The following WRN variants were observed in gnomAD, a reference collection of about 807,000 sequenced individuals.
WRN encodes the protein WRN RecQ like helicase.
WRN carries 149 observed loss-of-function variants against 180.7 expected under a neutral mutation model. The observed-to-expected ratio is 0.82, with a 90% CI of 0.72 to 0.94. The LOEUF (loss-of-function observed/expected upper bound fraction) is 0.94. WRN is among the 40% of genes least tolerant of loss of function. The probability of loss-of-function intolerance (pLI) is 0.00; values close to 1 mark genes in which losing one functional copy is unlikely to be tolerated. For synonymous variants in WRN, 548 were observed against 568.9 expected, an observed-to-expected ratio of 0.96 and a Z score of 0.52; for missense variants, 1,661 against 1,700.1, an observed-to-expected ratio of 0.98 and a Z score of 0.40.
intron 1 of WRN, among the ~76,000 whole-genome samples, chr8:31,053,051 A>G (rs1812136335): frequency 6.6e-6 from 1 of 152,090 alleles, no homozygotes. Context: ...AGATTATTTA[A>G]TCAAAAAGGC....
intron 23 of WRN, among the ~76,000 whole-genome samples, chr8:31,130,956 A>G (rs979021388): frequency 5.3e-5 from 8 of 152,084 alleles, no homozygotes; most frequent in South Asian, 2.1e-4. Context: ...CACAGAACCA[A>G]TGCTTCTTTT....
chr8:31,036,359 T>C (rs752099311), intron 1 of WRN, among the ~76,000 whole-genome samples: 6 of 152,256 alleles, frequency 3.9e-5, no homozygotes, highest in Admixed American at 6.5e-5. Context: ...CATACTGATT[T>C]CATTTCCCTT....
intron 1 of WRN, among the ~76,000 whole-genome samples, chr8:31,044,651 G>A (rs1320211865): frequency 1.3e-5 from 2 of 152,088 alleles, no homozygotes; most frequent in African/African-American, 4.8e-5. Context: ...CACTGTGCCC[G>A]GCCAATTTCA....
intron 33 of WRN, among the ~76,000 whole-genome samples, chr8:31,162,316 A>G (rs181736526): frequency 2.6e-5 from 4 of 152,132 alleles, no homozygotes; most frequent in Non-Finnish European, 5.9e-5. Context: ...TTTTGTTAAA[A>G]ACCAAGACAA....
chr8:31,070,969 C>T lies in WRN; in HGVS notation c.724+2642C>T, dbSNP rs143861320. ...GCTGAGGCAGGAGAATCGCTTTAATCTGGGAGGTGGAGGTTGTAGTGAGCT... is the reference window on the plus strand; with the variant it reads ...GCTGAGGCAGGAGAATCGCTTTAATTTGGGAGGTGGAGGTTGTAGTGAGCT... On this transcript the variant is annotated intron_variant, in intron 7 of 34. Transcript: ENST00000298139. 8.5e-4 allele frequency among the ~76,000 whole-genome samples: 128 copies of T among 150,236 alleles called. 1 individual carries two copies. The highest frequency in any genetic ancestry group is 3.5e-3 in the East Asian group (18 of 5,084).
chr8:31,045,945 A>G (rs1585388458), intron 1 of WRN, among the ~76,000 whole-genome samples: 1 of 152,250 alleles, frequency 6.6e-6, no homozygotes, highest in Non-Finnish European at 1.5e-5. Context: ...GCCGAAACGC[A>G]GTGTGTCTTA....
chr8:31,053,216 T>G (rs539422535), intron 1 of WRN, among the ~76,000 whole-genome samples: 2 of 152,308 alleles, frequency 1.3e-5, no homozygotes, highest in East Asian at 3.9e-4. Flanking sequence ...AATGAATACT[T>G]TGAAACATAC....
intron 1 of WRN, among the ~76,000 whole-genome samples, chr8:31,035,843 T>G (rs1045252722): frequency 1.3e-5 from 2 of 152,180 alleles, no homozygotes; most frequent in African/African-American, 4.8e-5. Context: ...ACAATTACCT[T>G]TAGGACTTTT....
intron 1 of WRN, among the ~76,000 whole-genome samples, chr8:31,052,675 C>G (rs1247946422): frequency 6.6e-6 from 1 of 152,214 alleles, no homozygotes; most frequent in East Asian, 1.9e-4. Context: ...ACGTGAGCCA[C>G]TGCGCCTTAA....
chr8:31,164,100 A>C (rs1403439524), intron 33 of WRN, among the ~76,000 whole-genome samples: 1 of 152,158 alleles, frequency 6.6e-6, no homozygotes, highest in African/African-American at 2.4e-5. Context: ...AGCCTGCCTA[A>C]GTGCTGGGAT....
chr8:31,113,798 G>A (rs1801412770), intron 19 of WRN, among the ~76,000 whole-genome samples: 1 of 151,622 alleles, frequency 6.6e-6, no homozygotes, highest in Non-Finnish European at 1.5e-5. Flanking sequence ...TTACTTTTTA[G>A]CCGAGACTAT....
chr8:31,053,750 T>C (rs1167825088), intron 1 of WRN, among the ~76,000 whole-genome samples: 1 of 152,214 alleles, frequency 6.6e-6, no homozygotes, highest in Non-Finnish European at 1.5e-5. Context: ...AAAAGTGAAG[T>C]TAAAATGGTT....
chr8:31,100,851 A>G lies in WRN; in HGVS notation c.1984A>G (p.Ile662Val), dbSNP rs781397548. The G allele has an allele frequency of 3.3e-5, 53 of 1,612,942 alleles. No individual in the cohort carries two copies. In the South Asian group the frequency reaches 5.3e-4, roughly 16 times the overall value. Residue 662 changes from isoleucine (I) to valine (V), a missense_variant and splice_region_variant, in exon 18 of 35, where the codon ATC becomes GTC. By Grantham distance (29) the Ile-to-Val change is conservative (BLOSUM62 3). Coordinates refer to ENST00000298139, the MANE Select transcript of WRN (RefSeq NM_000553.6). ...TATGTGTTTTTCTTTTTTTACAGGT[A>G]TCACGCTCATTGCTGTGGATGAGGC... ...LLQQLEADIG[I>V]TLIAVDEAHC... is the part of the protein sequence containing the mutation.
chr8:31,160,326 C>CA (rs771755688), intron 33 of WRN, among the ~76,000 whole-genome samples: 2 of 152,064 alleles, frequency 1.3e-5, no homozygotes, highest in Non-Finnish European at 2.9e-5. Context: ...TGGTTAATAC[C>CA]ATTTGCTAAG....
intron 5 of WRN, among the ~76,000 whole-genome samples, chr8:31,066,540 T>A (rs1003586766): frequency 1.4e-4 from 21 of 152,054 alleles, no homozygotes; most frequent in African/African-American, 5.1e-4. Flanking sequence ...TATTTGCAAA[T>A]GTAAAATTGT....
At chr8:31,112,046 G>A (rs574152462) in intron 19 of WRN, among the ~76,000 whole-genome samples, 1 of 151,878 alleles carries the variant, frequency 6.6e-6, no homozygotes, top group Non-Finnish European at 1.5e-5. Context: ...CTTAAACAGG[G>A]CATATACTAT....
At position 31,147,087 on chromosome 8, in the gene WRN, T is replaced by G. The variant is rs1554533914; in HGVS notation, c.3418T>G (p.Ser1140Ala). The G allele has an allele frequency of 4.3e-6, 7 of 1,613,844 alleles. No homozygotes were observed. The highest frequency in any genetic ancestry group is 5.9e-6 in the Non-Finnish European group (7 of 1,179,850). ...ACAGTCACCAGAAAAAGCTTACAGT[T>G]CCTCACAGCCTGTTATTTCGGCACA... is the stretch of plus-strand genomic sequence containing the variant. Reference protein sequence around the residue: ...MVQSPEKAYSSSQPVISAQEQ... With the variant: ...MVQSPEKAYSASQPVISAQEQ... The change falls in exon 29 of 35, where the codon TCC becomes GCC. Residue 1140 changes from serine to alanine, a missense_variant. By Grantham distance (99) the Ser-to-Ala change is moderately conservative. This residue lies in a region of WRN where 1,141 missense variants were observed against 1,149.4 expected (regional missense o/e 0.99). Coordinates refer to ENST00000298139, the MANE Select transcript of WRN (RefSeq NM_000553.6).
intron 1 of WRN, among the ~76,000 whole-genome samples, chr8:31,045,403 A>AT (rs59456074): frequency 0.061 from 8,475 of 139,672 alleles, 266 homozygotes; most frequent in South Asian, 0.1. Flanking sequence ...TTCCACACTA[A>AT]TTTTTTTTTT....
At chr8:31,034,171 C>T (rs935908810) in intron 1 of WRN, among the ~76,000 whole-genome samples, 198 bp downstream of exon 1, 2 of 152,136 alleles carry the variant, frequency 1.3e-5, no homozygotes, top group African/African-American at 2.4e-5. Flanking sequence ...TCGGAGCTTC[C>T]GCCATTCAGA....
Sources: allele counts gnomAD v4.1 joint callset (sites outside exome capture counted in the v4.1 genomes callset), GRCh38; gene constraint gnomAD v4.1.1; regional missense constraint gnomAD v4.1.1; transcripts MANE v1.5; gene names NCBI Gene and HGNC (gene_info 2026-07-23, HGNC 2026-07-21).